The following PTPRM variants were observed in gnomAD, a reference collection of about 807,000 sequenced individuals.
PTPRM encodes the protein protein tyrosine phosphatase receptor type M.
In PTPRM, 47 loss-of-function variants were observed where a neutral mutation model predicts 186.7. The observed-to-expected ratio is 0.25, with a 90% CI of 0.20 to 0.32. The LOEUF (loss-of-function observed/expected upper bound fraction) is 0.32. PTPRM is among the 10% of genes least tolerant of loss of function. The probability of loss-of-function intolerance (pLI) is 1.00; values close to 1 mark genes in which losing one functional copy is unlikely to be tolerated. For synonymous variants in PTPRM, 668 were observed against 674.9 expected (o/e 0.99, Z 0.16); for missense variants, 1,494 against 1,865.0 (o/e 0.80, Z 3.66).
chr18:7,791,396 C>T (rs1054352791), intron 2 of PTPRM, among the ~76,000 whole-genome samples: 6 of 152,150 alleles, frequency 3.9e-5, no homozygotes, highest in Admixed American at 3.9e-4. Context: ...CTTTATTTCC[C>T]ATTCACATTA....
At chr18:8,322,100 A>T (rs1333713216) in intron 22 of PTPRM, among the ~76,000 whole-genome samples, 2 of 152,232 alleles carry the variant, frequency 1.3e-5, no homozygotes, top group African/African-American at 4.8e-5. Flanking sequence ...TGTGTTTTGC[A>T]CTAACATAAT....
At chr18:7,707,740 G>T (rs1260940655) in intron 1 of PTPRM, among the ~76,000 whole-genome samples, 6 of 152,170 alleles carry the variant, frequency 3.9e-5, no homozygotes, top group Non-Finnish European at 8.8e-5. Context: ...GAAGCAGATA[G>T]AGTGGGATTA....
At chr18:8,023,585 A>G (rs1258238407) in intron 7 of PTPRM, among the ~76,000 whole-genome samples, 1 of 152,158 alleles carries the variant, frequency 6.6e-6, no homozygotes. Context: ...TGGTACACAA[A>G]TAGTTTTAGA....
chr18:8,177,499 A>C (rs2093502927), intron 14 of PTPRM, among the ~76,000 whole-genome samples: 1 of 152,218 alleles, frequency 6.6e-6, no homozygotes, highest in Admixed American at 6.5e-5. Context: ...TGATCTGATT[A>C]GTTGGTTCCT....
At chr18:8,327,645 C>T (rs765068349) in intron 22 of PTPRM, among the ~76,000 whole-genome samples, 21 of 152,152 alleles carry the variant, frequency 1.4e-4, no homozygotes, top group Non-Finnish European at 1.0e-4. Context: ...CATGTTGGCC[C>T]GGCAAAGCCA....
At position 8,133,825 on chromosome 18, in the gene PTPRM, A is replaced by G. The variant is rs576165057; in HGVS notation, c.2168-9822A>G. Among the ~76,000 whole-genome samples the G allele has an allele frequency of 5.3e-5, 8 of 152,296 alleles. No individual in the cohort carries two copies. In the South Asian group the frequency reaches 1.4e-3, roughly 28 times the overall value. Reference sequence around the variant, plus strand: ...GGATTTGATTTTGTTTTTTTAAATGAAAGAGTGACTTGATTGGAGCTATTA... The same window carrying G: ...GGATTTGATTTTGTTTTTTTAAATGGAAGAGTGACTTGATTGGAGCTATTA... On this transcript the variant is annotated intron_variant, in intron 13 of 32. Coordinates refer to ENST00000580170, the MANE Select transcript of PTPRM (RefSeq NM_001105244.2).
At chr18:7,780,219 G>C (rs1477836243) in intron 2 of PTPRM, among the ~76,000 whole-genome samples, 2 of 152,114 alleles carry the variant, frequency 1.3e-5, no homozygotes, top group African/African-American at 4.8e-5. Context: ...TTGCTTTTTT[G>C]TTCTGTATCA....
chr18:8,399,049 G>A (rs2095858716), intron 32 of PTPRM, among the ~76,000 whole-genome samples: 1 of 152,170 alleles, frequency 6.6e-6, no homozygotes, highest in South Asian at 2.1e-4. Context: ...TTAATTTGAA[G>A]GTCTAATTGG....
At chr18:8,211,785 T>A (rs895916541) in intron 14 of PTPRM, among the ~76,000 whole-genome samples, 1 of 151,940 alleles carries the variant, frequency 6.6e-6, no homozygotes, top group African/African-American at 2.4e-5. Flanking sequence ...GAGTGGGAGA[T>A]CTGAAGACAG....
intron 4 of PTPRM, 83 bp from the exon 5 acceptor site, chr18:7,926,485 A>C (rs1410436696): frequency 1.9e-6 from 2 of 1,073,436 alleles, no homozygotes; most frequent in African/African-American, 1.6e-5. Context: ...TTGAAAGGCC[A>C]AAAATTTCAG....
intron 3 of PTPRM, among the ~76,000 whole-genome samples, chr18:7,901,459 C>T (rs1242814099): frequency 6.6e-6 from 1 of 152,074 alleles, no homozygotes; most frequent in South Asian, 2.1e-4. Context: ...CTCTGCCTCC[C>T]GAGTTCAAGT....
chr18:8,026,621 C>G (rs28569201), intron 7 of PTPRM, among the ~76,000 whole-genome samples: 3,280 of 152,190 alleles, frequency 0.022, 106 homozygotes, highest in African/African-American at 0.075. Flanking sequence ...CTTTTGGAGG[C>G]CAAAGTGGGT....
At chr18:8,127,771 T>C (rs1463333656) in intron 13 of PTPRM, among the ~76,000 whole-genome samples, 6 of 152,054 alleles carry the variant, frequency 3.9e-5, no homozygotes, top group Non-Finnish European at 7.4e-5. Context: ...CATTCACTCA[T>C]TCATTGTTTC....
At chr18:8,313,736 A>T (rs1451553602) in intron 20 of PTPRM, among the ~76,000 whole-genome samples, 5 of 151,648 alleles carry the variant, frequency 3.3e-5, no homozygotes, top group Non-Finnish European at 7.4e-5. Context: ...TTTCTCCCTT[A>T]CCCCCTTCTC....
intron 2 of PTPRM, among the ~76,000 whole-genome samples, chr18:7,821,055 T>C (rs1301501091): frequency 6.6e-6 from 1 of 152,140 alleles, no homozygotes; most frequent in Non-Finnish European, 1.5e-5. Context: ...TTCTGTAACC[T>C]GAATTCAAAT....
At chr18:7,649,899 T>A (rs1432407718) in intron 1 of PTPRM, among the ~76,000 whole-genome samples, 1 of 152,190 alleles carries the variant, frequency 6.6e-6, no homozygotes, top group African/African-American at 2.4e-5. Context: ...ATTAGCATTT[T>A]TTTTAGCAAT....
intron 23 of PTPRM, among the ~76,000 whole-genome samples, chr18:8,352,776 AT>A (rs1313214163): frequency 6.6e-6 from 1 of 151,624 alleles, no homozygotes; most frequent in African/African-American, 2.4e-5. Context: ...GGTTCAAGCA[AT>A]TCTCTGCCTC....
chr18:8,175,335 A>C (rs1250197221), intron 14 of PTPRM, among the ~76,000 whole-genome samples: 5 of 152,230 alleles, frequency 3.3e-5, no homozygotes, highest in Non-Finnish European at 7.3e-5. Flanking sequence ...TGCTTAAGGA[A>C]GACTTCTACA....
At chr18:7,631,256 C>T (rs907668203) in intron 1 of PTPRM, among the ~76,000 whole-genome samples, 6 of 152,136 alleles carry the variant, frequency 3.9e-5, no homozygotes, top group Non-Finnish European at 5.9e-5. Flanking sequence ...GAAACTGAAT[C>T]CCACTGAGAA....
Sources: allele counts gnomAD v4.1 joint callset (sites outside exome capture counted in the v4.1 genomes callset), GRCh38; gene constraint gnomAD v4.1.1; transcripts MANE v1.5; gene names NCBI Gene and HGNC (gene_info 2026-07-23, HGNC 2026-07-21).